Variants in PTPRS observed in about 807,000 individuals in gnomAD.
PTPRS encodes the protein protein tyrosine phosphatase receptor type S, also known as receptor-type tyrosine-protein phosphatase S.
A neutral mutation model predicts 215.3 loss-of-function variants in PTPRS; 63 were observed. The ratio of observed to expected loss-of-function variants is 0.29; its 90% CI spans 0.24 to 0.36. PTPRS has a LOEUF of 0.36. PTPRS is among the 10% of genes least tolerant of loss of function. The probability of loss-of-function intolerance (pLI) is 1.00; values close to 1 mark genes in which losing one functional copy is unlikely to be tolerated. For synonymous variants in PTPRS, 1,404 were observed against 1,191.4 expected, an observed-to-expected ratio of 1.18 and a Z score of -3.68; for missense variants, 2,258 against 2,825.8, an observed-to-expected ratio of 0.80 and a Z score of 4.56.
intron 22 of PTPRS, among the ~76,000 whole-genome samples, chr19:5,219,729 C>A (rs143030792): frequency 1.3e-5 from 2 of 152,306 alleles, no homozygotes; most frequent in Non-Finnish European, 2.9e-5. Flanking sequence ...TTGTTGAACT[C>A]CTACTCACCC....
intron 17 of PTPRS, among the ~76,000 whole-genome samples, chr19:5,224,269 T>G (rs562917113): frequency 1.1e-4 from 17 of 152,242 alleles, no homozygotes; most frequent in African/African-American, 3.4e-4. Context: ...TCTGGGGGAA[T>G]CGTGCTCCAG....
chr19:5,282,134 T>C (rs2047905056), intron 2 of PTPRS, among the ~76,000 whole-genome samples: 1 of 152,070 alleles, frequency 6.6e-6, no homozygotes. Flanking sequence ...TTCTTCTCGG[T>C]GTGTGGTGAC....
chr19:5,257,930 G>T lies in PTPRS; in HGVS notation c.706+87C>A. 2 of 1,187,228 alleles carry T rather than the reference G, an allele frequency of 1.7e-6. No individual in the cohort carries two copies. The highest frequency in any genetic ancestry group is 1.4e-5 in the South Asian group (1 of 74,070). The allele number at this position is 1,187,228 out of a possible 1,614,324, so 73.5% of individuals were successfully genotyped here. A position where few individuals can be genotyped will look rare whatever the true frequency, so the allele number is the denominator to read the frequency against. On this transcript the variant is annotated intron_variant, in intron 8 of 37. Transcript: ENST00000262963. This position sits in a 1 kb window ranked among gnomAD's most constrained non-coding sequence, Gnocchi z 4.4. The stretch of plus-strand genomic sequence containing the variant: ...TTCCTGCTTGGGTGTGCAGGGGACG[G>T]GGGAGCCCGGAGGCGGTGAGCCCGA...
chr19:5,231,514 G>A lies in PTPRS; in HGVS notation c.1951C>T (p.Leu651=), dbSNP rs545747998. Residue 651 remains leucine, a synonymous_variant, in exon 14 of 38, where the codon CTG becomes TTG. Coordinates refer to ENST00000262963, the MANE Select transcript of PTPRS (RefSeq NM_002850.4). ...CGGTAGCGGACGCTGTAGCCCACCA[G>A]GGCCCCGTTGTGCGTTTCCGGCGGC... ...PPPPETHNGA[L]VGYSVRYRPL... 45 of 1,612,326 alleles carry A rather than the reference G, an allele frequency of 2.8e-5. No homozygotes were observed. Among genetic ancestry groups the A allele is most frequent in the Non-Finnish European group, 3.6e-5 (43 of 1,179,832 alleles).
chr19:5,234,882 ATG>A (rs1209050971), intron 13 of PTPRS, among the ~76,000 whole-genome samples: 4 of 151,526 alleles, frequency 2.6e-5, no homozygotes, highest in Non-Finnish European at 5.9e-5. Context: ...AGCACCTACT[ATG>A]TGTCAGGCAA....
At chr19:5,298,906 C>T (rs1372610728) in intron 1 of PTPRS, among the ~76,000 whole-genome samples, 1 of 152,206 alleles carries the variant, frequency 6.6e-6, no homozygotes, top group Non-Finnish European at 1.5e-5. Context: ...AGCTGGCCCT[C>T]ACTGCTTTTC....
intron 11 of PTPRS, among the ~76,000 whole-genome samples, chr19:5,243,014 T>C (rs368708244): frequency 6.6e-6 from 1 of 152,084 alleles, no homozygotes; most frequent in Non-Finnish European, 1.5e-5. Context: ...AAATGGGGTA[T>C]TGCTATATTG....
Position 5,215,645 on chromosome 19 carries a change from C to T in PTPRS, c.4097-50G>A, listed in dbSNP as rs552838679. On this transcript the variant is annotated intron_variant, in intron 26 of 37. Coordinates refer to ENST00000262963, the MANE Select transcript of PTPRS (RefSeq NM_002850.4). ...GGGGTTGGTCACTTGGGGGGCCAGC[C>T]GGGGACTCGGGGGAGGGGGGTGATC... 40 of 355,900 alleles carry T rather than the reference C, an allele frequency of 1.1e-4. No homozygotes were observed. The East Asian group carries it at 1.3e-3, about 12-fold the overall frequency. The allele number at this position is 355,900 out of a possible 1,614,324, so 22.0% of individuals were successfully genotyped here.
Position 5,326,556 on chromosome 19 carries a change from C to T in PTPRS, c.-95+14108G>A, listed in dbSNP as rs183586152. Among the ~76,000 whole-genome samples, 6 of 152,072 alleles carry T rather than the reference C, an allele frequency of 3.9e-5. 1 individual carries two copies. Among genetic ancestry groups the T allele is most frequent in the African/African-American group, 1.4e-4 (6 of 41,502 alleles). The stretch of plus-strand genomic sequence containing the variant: ...CAAGTACTGGCTGGGCACGGTGGCT[C>T]GTGCCTGTAATCCCAGCGCTTTGCG... On this transcript the variant is annotated intron_variant, in intron 1 of 37. Coordinates refer to ENST00000262963, the MANE Select transcript of PTPRS (RefSeq NM_002850.4).
At chr19:5,267,049 A>G (rs538101418) in intron 4 of PTPRS, among the ~76,000 whole-genome samples, 1 of 152,282 alleles carries the variant, frequency 6.6e-6, no homozygotes, top group East Asian at 1.9e-4. Context: ...CCGGGCATAC[A>G]GTAGGAGCTC....
intron 2 of PTPRS, among the ~76,000 whole-genome samples, chr19:5,280,413 T>C (rs2047746518): frequency 6.6e-6 from 1 of 152,192 alleles, no homozygotes; most frequent in South Asian, 2.1e-4. Flanking sequence ...GCTTTGAGCA[T>C]CTGTCCCAAA....
chr19:5,296,713 A>AGGAGG (rs78706155), intron 1 of PTPRS, among the ~76,000 whole-genome samples: 19,617 of 93,080 alleles, frequency 0.21, 2,069 homozygotes, highest in Non-Finnish European at 0.28. Context: ...GGAGACAAAG[A>AGGAGG]GGAGGGGAGG....
intron 26 of PTPRS, 148 bp from the exon 27 acceptor site, chr19:5,215,743 G>A (rs2041376620): frequency 3.1e-6 from 2 of 642,012 alleles, no homozygotes; most frequent in Non-Finnish European, 5.3e-6. Flanking sequence ...AGGAGGGGAA[G>A]ACTCAGGGTG....
chr19:5,281,202 T>C (rs1197690864), intron 2 of PTPRS, among the ~76,000 whole-genome samples: 1 of 152,038 alleles, frequency 6.6e-6, no homozygotes. Context: ...AGCTCACGCC[T>C]GTAATCCCAG....
At chr19:5,320,975 A>C (rs2050010216) in intron 1 of PTPRS, among the ~76,000 whole-genome samples, 1 of 152,180 alleles carries the variant, frequency 6.6e-6, no homozygotes, top group African/African-American at 2.4e-5. Context: ...GAGAAGAATA[A>C]AACAAGGGCC....
chr19:5,264,467 C>A (rs1317564845), intron 5 of PTPRS, among the ~76,000 whole-genome samples: 1 of 152,192 alleles, frequency 6.6e-6, no homozygotes, highest in Admixed American at 6.5e-5. Context: ...CGATACCCAC[C>A]ATCCTTGGCG....
chr19:5,225,850 G>C lies in PTPRS; in HGVS notation c.2377-6C>G. On this transcript the variant is annotated splice_region_variant and splice_polypyrimidine_tract_variant and intron_variant, in intron 16 of 37. Coordinates refer to ENST00000262963, the MANE Select transcript of PTPRS (RefSeq NM_002850.4). ...AAGTTTGTGATGACCATCTCCTGCA[G>C]GCACGGCTGGGGGTCAGCACGACGG... The C allele has an allele frequency of 6.2e-7, 1 of 1,612,020 alleles. No individual in the cohort carries two copies. Among genetic ancestry groups the C allele is most frequent in the Non-Finnish European group, 8.5e-7 (1 of 1,178,290 alleles).
intron 30 of PTPRS, among the ~76,000 whole-genome samples, chr19:5,213,220 G>A (rs967727089): frequency 1.3e-5 from 2 of 152,090 alleles, no homozygotes; most frequent in African/African-American, 4.8e-5. Flanking sequence ...TCCCACCCAA[G>A]CCCCCCAGTC....
chr19:5,265,850 C>T (rs2046359824), intron 4 of PTPRS, among the ~76,000 whole-genome samples: 1 of 152,162 alleles, frequency 6.6e-6, no homozygotes, highest in African/African-American at 2.4e-5. Context: ...CTACACCCTA[C>T]TACATATAAG....
Sources: allele counts gnomAD v4.1 joint callset (sites outside exome capture counted in the v4.1 genomes callset), GRCh38; gene constraint gnomAD v4.1.1; non-coding constraint Gnocchi (gnomAD v3.1); transcripts MANE v1.5; gene names NCBI Gene and HGNC (gene_info 2026-07-23, HGNC 2026-07-21).